DMD: variants seen among roughly 807,000 people sequenced by gnomAD.
DMD encodes dystrophin, also known as mutant dystrophin.
In DMD, 63 loss-of-function variants were observed where a neutral mutation model predicts 330.1. The ratio of observed to expected loss-of-function variants is 0.19; its 90% CI spans 0.16 to 0.24. DMD has a LOEUF of 0.24. DMD is among the 10% of genes least tolerant of loss of function. The pLI is 1.00. For missense variants in DMD, 3,344 were observed against 2,684.1 expected (o/e 1.25, Z -5.43); for synonymous variants, 1,223 against 959.8 (o/e 1.27, Z -5.07).
chrX:31,690,094 G>A (rs2083006735), intron 52 of DMD, among the ~76,000 whole-genome samples: 1 of 111,924 alleles, frequency 8.9e-6, no homozygotes, highest in African/African-American at 3.3e-5. Flanking sequence ...AAAAGCAATG[G>A]CAACAAAAGC....
At chrX:31,605,571 GAA>G (rs753036100) in intron 55 of DMD, among the ~76,000 whole-genome samples, 40 of 111,731 alleles carry the variant, frequency 3.6e-4, no homozygotes, top group African/African-American at 1.1e-3. Context: ...GCACAAAAAA[GAA>G]TAATTTGCTA....
At chrX:31,772,721 T>C (rs749075948) in intron 51 of DMD, among the ~76,000 whole-genome samples, 2 of 112,206 alleles carry the variant, frequency 1.8e-5, no homozygotes, top group Admixed American at 1.9e-4. Context: ...TGCTACTTAC[T>C]GGGAATTTGA....
intron 44 of DMD, among the ~76,000 whole-genome samples, chrX:32,158,601 T>C (rs2096838528): frequency 9.0e-6 from 1 of 111,271 alleles, no homozygotes; most frequent in African/African-American, 3.3e-5. Context: ...ATTTGTGTCC[T>C]ATTGCCATTT....
chrX:31,636,411 T>C (rs2079421208), intron 54 of DMD, among the ~76,000 whole-genome samples: 2 of 111,981 alleles, frequency 1.8e-5, no homozygotes, highest in Non-Finnish European at 3.8e-5. Context: ...AAAATAATGT[T>C]CTGCAGTTTT....
intron 34 of DMD, among the ~76,000 whole-genome samples, chrX:32,376,713 A>T (rs111277907): frequency 2.9e-5 from 3 of 102,419 alleles, no homozygotes; most frequent in African/African-American, 7.5e-5. Context: ...AGAGAATCCA[A>T]TTTTTTTTTT....
intron 43 of DMD, among the ~76,000 whole-genome samples, chrX:32,229,681 C>G (rs1281343528): frequency 4.1e-5 from 1 of 24,342 alleles, no homozygotes; most frequent in Admixed American, 6.7e-4. Context: ...AGAGTTTCAT[C>G]ATATATATAT....
chrX:32,616,717 TTTAA>T (rs2057605349), intron 11 of DMD, among the ~76,000 whole-genome samples: 1 of 76,579 alleles, frequency 1.3e-5, no homozygotes, highest in African/African-American at 1.0e-4. Flanking sequence ...TTTTTTTTTC[TTTAA>T]AGAATGTTAC....
At chrX:31,769,378 A>C (rs1381584751) in intron 51 of DMD, among the ~76,000 whole-genome samples, 9 of 112,363 alleles carry the variant, frequency 8.0e-5, no homozygotes, top group African/African-American at 2.9e-4. Flanking sequence ...ATCCACATTT[A>C]TTGAGAACCA....
chrX:32,799,129 C>G (rs1370507243), intron 7 of DMD, among the ~76,000 whole-genome samples: 1 of 111,201 alleles, frequency 9.0e-6, no homozygotes, highest in East Asian at 2.8e-4. Context: ...AGCATTCACT[C>G]CAGGAGTAAA....
chrX:32,571,280 G>A (rs1186123317), intron 15 of DMD, among the ~76,000 whole-genome samples: 3 of 111,889 alleles, frequency 2.7e-5, no homozygotes, highest in East Asian at 2.8e-4. Context: ...TGTTTGTAAG[G>A]AATATTCTGC....
chrX:33,026,623 T>C (rs1235308079), intron 1 of DMD, among the ~76,000 whole-genome samples: 1 of 111,252 alleles, frequency 9.0e-6, no homozygotes, highest in Non-Finnish European at 1.9e-5. Context: ...ATGCTTTCTA[T>C]TAAATCTGAG....
intron 13 of DMD, among the ~76,000 whole-genome samples, chrX:32,574,284 C>T (rs1298072228): frequency 8.9e-6 from 1 of 111,923 alleles, no homozygotes; most frequent in African/African-American, 3.2e-5. Flanking sequence ...ATGAGAATTG[C>T]CTACCATTTG....
chrX:32,360,207 G>C (rs1293510590), intron 37 of DMD, among the ~76,000 whole-genome samples: 2 of 111,945 alleles, frequency 1.8e-5, no homozygotes. Flanking sequence ...ATTTCTGTTT[G>C]AAAACATGTA....
At chrX:32,497,332 T>C (rs779825148) in intron 19 of DMD, among the ~76,000 whole-genome samples, 7 of 112,305 alleles carry the variant, frequency 6.2e-5, no homozygotes, top group Non-Finnish European at 1.1e-4. Context: ...CAGGGAATGA[T>C]AGTTTTGAGA....
At chrX:33,148,902 G>A (rs751299309) in intron 1 of DMD, among the ~76,000 whole-genome samples, 1 of 110,482 alleles carries the variant, frequency 9.1e-6, no homozygotes, top group East Asian at 2.9e-4. Context: ...TCACTGGGGA[G>A]GTAAAGTCTT....
At chrX:33,331,165 C>T (rs1269474210) in intron 1 of DMD, among the ~76,000 whole-genome samples, 4 of 111,471 alleles carry the variant, frequency 3.6e-5, no homozygotes, top group African/African-American at 6.5e-5. Context: ...GTCTGGATGA[C>T]CTAATGGAGA....
intron 45 of DMD, among the ~76,000 whole-genome samples, chrX:31,944,007 G>C (rs181977362): frequency 4.9e-4 from 54 of 110,192 alleles, no homozygotes; most frequent in Non-Finnish European, 2.5e-4. Context: ...TTTAAACTCT[G>C]CACATAATTG....
intron 44 of DMD, among the ~76,000 whole-genome samples, chrX:32,105,736 T>A (rs1181786271): frequency 8.9e-6 from 1 of 111,854 alleles, no homozygotes; most frequent in African/African-American, 3.2e-5. Context: ...TGCTAATAAG[T>A]CATATTTGAT....
rs190063643 is a variant in DMD at position 31,763,550 on chromosome X, G to A, written c.7542+10410C>T. Reference sequence around the variant, plus strand: ...TGCACTCCAGCCCGGGCAACAGTGCGAGACTCCATCTCAAAAAAACAAAAC... The same window carrying A: ...TGCACTCCAGCCCGGGCAACAGTGCAAGACTCCATCTCAAAAAAACAAAAC... On this transcript the variant is annotated intron_variant, in intron 51 of 78. Coordinates refer to ENST00000357033, the MANE Select transcript of DMD (RefSeq NM_004006.3). Among the ~76,000 whole-genome samples, 358 of 111,256 alleles carry A rather than the reference G, an allele frequency of 3.2e-3. 1 individual carries two copies. The highest frequency in any genetic ancestry group is 0.011 in the African/African-American group (345 of 30,665).
Sources: gnomAD v4.1 joint callset for allele counts (sites outside exome capture counted in the v4.1 genomes callset) on GRCh38, gnomAD v4.1.1 for gene constraint, MANE v1.5 for transcripts, NCBI Gene and HGNC (gene_info 2026-07-23, HGNC 2026-07-21) for gene names.